SHPRH: variants seen among roughly 807,000 people sequenced by gnomAD.
SHPRH encodes SNF2 histone linker PHD RING helicase.
In SHPRH, 106 loss-of-function variants were observed where a neutral mutation model predicts 202.5. That is an observed-to-expected ratio of 0.52 (90% CI 0.45 to 0.62). The LOEUF (loss-of-function observed/expected upper bound fraction) is 0.62. SHPRH is among the 20% of genes least tolerant of loss of function. The pLI is 0.00. For missense variants in SHPRH, 1,710 were observed against 2,020.0 expected, an observed-to-expected ratio of 0.85 and a Z score of 2.94; for synonymous variants, 729 against 686.0, an observed-to-expected ratio of 1.06 and a Z score of -0.98.
chr6:145,955,777 CA>C (rs533217610), intron 1 of SHPRH, among the ~76,000 whole-genome samples: 1 of 148,714 alleles, frequency 6.7e-6, no homozygotes. Flanking sequence ...ATCAGGCACG[CA>C]AAAAAAATGA....
chr6:145,919,080 T>G (rs1784199333), intron 22 of SHPRH: 1 of 323,212 alleles, frequency 3.1e-6, no homozygotes, highest in Non-Finnish European at 5.7e-6. Context: ...CATACAAGGT[T>G]TTAAACTCAA....
In SHPRH at chr6:145,922,760, T is replaced by C. The variant is rs1393106230; in HGVS notation, c.3622A>G (p.Arg1208Gly). The C allele has an allele frequency of 1.9e-6, 3 of 1,612,114 alleles. No homozygotes were observed. The highest frequency in any genetic ancestry group is 1.3e-5 in the African/African-American group (1 of 74,764). ...EELNKCQKLV[R>G]EAVKNLEGPP... ...CCCTCCAGGTTTTTTACAGCCTCTC[T>C]TACTAGCTTCTGGCATTTATTTAGC... The change falls in exon 19 of 30, where the codon AGA (arginine) becomes GGA (glycine). Residue 1208 changes from arginine to glycine, a missense_variant. Coordinates refer to ENST00000275233, the MANE Select transcript of SHPRH (RefSeq NM_001042683.3).
chr6:145,946,516 A>G (rs1330260203), intron 6 of SHPRH, among the ~76,000 whole-genome samples, 175 bp from the exon 7 acceptor site: 1 of 152,064 alleles, frequency 6.6e-6, no homozygotes, highest in Non-Finnish European at 1.5e-5. Flanking sequence ...GTTTACAGCT[A>G]GCTATCACTT....
chr6:145,955,215 T>C lies in SHPRH; in HGVS notation c.108A>G (p.Ile36Met), dbSNP rs1440421400. 4 of 1,613,582 alleles carry C rather than the reference T, an allele frequency of 2.5e-6. No individual in the cohort carries two copies. In the African/African-American group the frequency reaches 5.3e-5, roughly 22 times the overall value. The change falls in exon 2 of 30, where the codon ATA (isoleucine) becomes ATG (methionine). Residue 36 changes from isoleucine to methionine, a missense_variant. Around this residue, in one of 8 missense-constraint regions of SHPRH, gnomAD observed 459 missense variants for 426.5 expected, o/e 1.08. Coordinates refer to ENST00000275233, the MANE Select transcript of SHPRH (RefSeq NM_001042683.3). ...GGCAGGGCTGCTCGTCATCATCACTTATGATGATAGGTTCATTCCTTCTGT... is the reference window on the plus strand; with the variant it reads ...GGCAGGGCTGCTCGTCATCATCACTCATGATGATAGGTTCATTCCTTCTGT... ...HEDRRNEPII[I>M]SDDDEQPCPG...
At position 145,887,529 on chromosome 6, in the gene SHPRH, G is replaced by GTTTTTTT. The variant is rs200904161; in HGVS notation, c.4955+490_4955+491insAAAAAAA. Among the ~76,000 whole-genome samples the GTTTTTTT allele has an allele frequency of 1.5e-5, 2 of 130,134 alleles. 1 individual carries two copies. Among genetic ancestry groups the GTTTTTTT allele is most frequent in the Non-Finnish European group, 3.3e-5 (2 of 60,712 alleles). The allele number at this position is 130,134 out of a possible 152,430, so 85.4% of individuals were successfully genotyped here. A position where few individuals can be genotyped will look rare whatever the true frequency, so the allele number is the denominator to read the frequency against. On this transcript the variant is annotated intron_variant, in intron 29 of 29. Transcript: ENST00000275233. ...TTGACACCACAATTAACCTTAACAA[G>GTTTTTTT]TTTGTTTTTTTTTTTTTTTTTTTTG...
chr6:145,954,131 G>A (rs1265673452), intron 2 of SHPRH, among the ~76,000 whole-genome samples: 1 of 149,718 alleles, frequency 6.7e-6, no homozygotes, highest in Admixed American at 6.7e-5. Flanking sequence ...CCAGGGAAGG[G>A]GAAGGGAACA....
rs749072048 is a variant in SHPRH at position 145,943,129 on chromosome 6, C to T, written c.2238+14G>A. The T allele has an allele frequency of 4.5e-6, 7 of 1,554,398 alleles. No homozygotes were observed. The South Asian group carries it at 7.4e-5, about 17-fold the overall frequency. ...TTACATTTTCCTCTCCCTCTTTAGT[C>T]CAAGTGGCCTTACCAAGACTCGAAG... On this transcript the variant is annotated intron_variant, in intron 9 of 29. Coordinates refer to ENST00000275233, the MANE Select transcript of SHPRH (RefSeq NM_001042683.3).
chr6:145,927,075 T>A, intron 15 of SHPRH, 114 bp downstream of exon 15: 1 of 893,646 alleles, frequency 1.1e-6, no homozygotes, highest in Non-Finnish European at 1.7e-6. Context: ...GAATCCCAAG[T>A]TTCACCCAGT....
chr6:145,864,024 C>T (rs1173995565), downstream of SHPRH, among the ~76,000 whole-genome samples: 1 of 152,102 alleles, frequency 6.6e-6, no homozygotes, highest in Non-Finnish European at 1.5e-5. Context: ...CTGGCTTGTG[C>T]TGTGGTCCCA....
chr6:145,918,145 T>C lies in SHPRH; in HGVS notation c.4240A>G (p.Thr1414Ala). The change falls in exon 23 of 30, where the codon ACT (threonine) becomes GCT (alanine). Residue 1414 changes from threonine (T) to alanine (A), a missense_variant. Transcript: ENST00000275233. ...AGAAACAATACCTTCTCCAAATTAG[T>C]TAGGTAAAGAAGCTGCCCAAGTTTT... ...QKKLGQLLYL[T>A]NLEKSQDKTS... 6.2e-7 allele frequency: 1 copy of C among 1,607,182 alleles called. No individual in the cohort carries two copies. The highest frequency in any genetic ancestry group is 8.5e-7 in the Non-Finnish European group (1 of 1,176,654).
At chr6:145,860,501 A>T (rs13198318), downstream of SHPRH, among the ~76,000 whole-genome samples, 1 of 152,054 alleles carries the variant, frequency 6.6e-6, no homozygotes, top group African/African-American at 2.4e-5. Context: ...AATTTAAAAG[A>T]TACAAATAAA....
At chr6:145,922,527 A>G (rs1784512470) in intron 19 of SHPRH, 136 bp downstream of exon 19, 1 of 1,253,544 alleles carries the variant, frequency 8.0e-7, no homozygotes, top group Non-Finnish European at 1.1e-6. Context: ...TTTAAATTAG[A>G]TTAATACATC....
downstream of SHPRH, chr6:145,883,259 C>T (rs1248386143): frequency 3.3e-5 from 5 of 152,052 alleles, no homozygotes; most frequent in Non-Finnish European, 2.9e-5. Flanking sequence ...AAAGTCAGTC[C>T]CCAAAAATCA....
chr6:145,938,324 C>T (rs1361299598), intron 11 of SHPRH, among the ~76,000 whole-genome samples: 1 of 152,138 alleles, frequency 6.6e-6, no homozygotes, highest in East Asian at 1.9e-4. Flanking sequence ...TGATCCTCGC[C>T]AGTTGCCAGT....
chr6:145,872,694 A>G (rs1223285337), intron 2 of SHPRH, among the ~76,000 whole-genome samples: 1 of 152,202 alleles, frequency 6.6e-6, no homozygotes, highest in Non-Finnish European at 1.5e-5. Context: ...CTGGTTATAT[A>G]CTCAAAGGAA....
At chr6:145,899,647 G>A (rs1782321940) in intron 25 of SHPRH, among the ~76,000 whole-genome samples, 1 of 151,996 alleles carries the variant, frequency 6.6e-6, no homozygotes, top group African/African-American at 2.4e-5. Context: ...GGCAAGAAAA[G>A]CAAAAAGATA....
intron 7 of SHPRH, among the ~76,000 whole-genome samples, chr6:145,945,884 A>T (rs920407947): frequency 6.6e-6 from 1 of 152,108 alleles, no homozygotes; most frequent in Non-Finnish European, 1.5e-5. Context: ...ACTATAAAAC[A>T]ATCATTCAAA....
intron 13 of SHPRH, 84 bp downstream of exon 13, chr6:145,934,823 C>T: frequency 7.5e-7 from 1 of 1,335,756 alleles, no homozygotes; most frequent in Non-Finnish European, 1.0e-6. Context: ...AACTCAGTTA[C>T]ATGTCTCTGA....
intron 28 of SHPRH, 53 bp from the exon 29 acceptor site, chr6:145,888,153 A>T (rs1196675525): frequency 1.5e-6 from 2 of 1,328,334 alleles, no homozygotes; most frequent in Middle Eastern, 2.0e-4. Flanking sequence ...ACAAATCAGT[A>T]CAAACCGACT....
Sources: gnomAD v4.1 joint callset for allele counts (sites outside exome capture counted in the v4.1 genomes callset) on GRCh38, gnomAD v4.1.1 for gene constraint, gnomAD v4.1.1 regional missense constraint, MANE v1.5 for transcripts, NCBI Gene and HGNC (gene_info 2026-07-23, HGNC 2026-07-21) for gene names.